SYNE1: variants seen among roughly 807,000 people sequenced by gnomAD.
SYNE1 encodes spectrin repeat containing nuclear envelope protein 1, also known as nesprin-1.
Under a neutral mutation model 1,111.0 loss-of-function variants are expected in SYNE1, and 616 were observed. That is an observed-to-expected ratio of 0.55 (90% CI 0.52 to 0.59). The LOEUF (loss-of-function observed/expected upper bound fraction) is 0.59. SYNE1 is among the 20% of genes least tolerant of loss of function. The pLI, the probability that SYNE1 is intolerant of heterozygous loss-of-function variation, is 0.00. For missense variants in SYNE1, 10,006 were observed against 10,417.0 expected (o/e 0.96, Z 1.72); for synonymous variants, 3,855 against 3,825.8 (o/e 1.01, Z -0.28).
In SYNE1 at chr6:152,224,666, T is replaced by G; in HGVS notation, c.21352-2A>C. 2 of 1,613,684 alleles carry G rather than the reference T, an allele frequency of 1.2e-6. No individual in the cohort carries two copies. The highest frequency in any genetic ancestry group is 1.7e-6 in the Non-Finnish European group (2 of 1,179,798). On this transcript the variant is annotated splice_acceptor_variant, in intron 116 of 145. Transcript: ENST00000367255. LOFTEE classifies it high-confidence loss of function. ...CAGCAGTATCTTTAATTGTCCAACC[T>G]TTTGAAAAAGACAAATATGGCTTAT... is the stretch of plus-strand genomic sequence containing the variant.
Position 152,450,624 on chromosome 6 carries a change from C to T in SYNE1, c.3395+1G>A, listed in dbSNP as rs1217174874. The T allele has an allele frequency of 6.2e-7, 1 of 1,613,852 alleles. No homozygotes were observed. The highest frequency in any genetic ancestry group is 1.3e-5 in the African/African-American group (1 of 74,914). ...CTCTCTGGAGGCCATTCTGAGGCTA[C>T]CTGCTAGTGTAGTCCTTCCACTTGT... On this transcript the variant is annotated splice_donor_variant, in intron 27 of 145. Coordinates refer to ENST00000367255, the MANE Select transcript of SYNE1 (RefSeq NM_182961.4). LOFTEE classifies it high-confidence loss of function.
chr6:152,308,248 GT>G (rs2095439295), intron 91 of SYNE1, among the ~76,000 whole-genome samples: 1 of 152,268 alleles, frequency 6.6e-6, no homozygotes, highest in East Asian at 1.9e-4. Context: ...TAATCAGTGG[GT>G]CCCAAAGGAT....
In SYNE1 at chr6:152,281,793, G is replaced by A; in HGVS notation, c.18381+14C>T. 7.4e-6 allele frequency: 12 copies of A among 1,613,978 alleles called. No homozygotes were observed. Among genetic ancestry groups the A allele is most frequent in the Non-Finnish European group, 8.5e-6 (10 of 1,179,952 alleles). On this transcript the variant is annotated intron_variant, in intron 97 of 145. Transcript: ENST00000367255. ...TCATGATGTTGACATATTCCTTTGAGACCATTTTGGTACCTGGCAGTCCAT... is the reference window on the plus strand; with the variant it reads ...TCATGATGTTGACATATTCCTTTGAAACCATTTTGGTACCTGGCAGTCCAT...
chr6:152,215,242 C>G (rs2078350577), intron 121 of SYNE1, among the ~76,000 whole-genome samples, 182 bp from the exon 122 acceptor site: 1 of 152,200 alleles, frequency 6.6e-6, no homozygotes, highest in African/African-American at 2.4e-5. Flanking sequence ...ATCTACTTTT[C>G]AGTCTAAACT....
Position 152,268,146 on chromosome 6 carries a change from G to A in SYNE1, c.18725C>T (p.Ala6242Val). The part of the protein sequence containing the change: ...QQQKELEQEL[A>V]EQKSLLRSVA... ...TGAGCGAAGGAGACTCTTCTGCTCG[G>A]CTAATTCCTGTTCTAACTCCTGCTC... The change falls in exon 100 of 146, where the codon GCC (alanine) becomes GTC (valine). Residue 6242 changes from alanine to valine, a missense_variant. Physicochemically the swap from Ala to Val is moderately conservative, Grantham distance 64. This residue lies in a region of SYNE1 where 2,182 missense variants were observed against 2,287.8 expected (regional missense o/e 0.95). Coordinates refer to ENST00000367255, the MANE Select transcript of SYNE1 (RefSeq NM_182961.4). 6.2e-7 allele frequency: 1 copy of A among 1,614,064 alleles called. No individual in the cohort carries two copies. The highest frequency in any genetic ancestry group is 8.5e-7 in the Non-Finnish European group (1 of 1,179,956).
intron 76 of SYNE1, chr6:152,336,562 G>A: frequency 2.1e-6 from 1 of 481,222 alleles, no homozygotes; most frequent in Non-Finnish European, 3.8e-6. Context: ...AGTAGGGTTT[G>A]CACTCCTATG....
chr6:152,251,705 G>A (rs897718007), intron 104 of SYNE1, among the ~76,000 whole-genome samples: 5 of 151,832 alleles, frequency 3.3e-5, no homozygotes, highest in African/African-American at 4.8e-5. Flanking sequence ...CTTGCAGTGA[G>A]CCGAGATCCC....
intron 3 of SYNE1, among the ~76,000 whole-genome samples, chr6:152,626,079 T>C (rs1240663189): frequency 6.6e-6 from 1 of 152,164 alleles, no homozygotes; most frequent in African/African-American, 2.4e-5. Context: ...CAAGCAAAAC[T>C]AAATCTACTA....
intron 124 of SYNE1, among the ~76,000 whole-genome samples, chr6:152,208,835 G>A (rs1190263962): frequency 6.6e-6 from 1 of 152,148 alleles, no homozygotes; most frequent in Non-Finnish European, 1.5e-5. Flanking sequence ...TTCTTAGAAA[G>A]ATGAAAACTT....
intron 145 of SYNE1, among the ~76,000 whole-genome samples, chr6:152,123,743 T>C (rs1035880897): frequency 1.3e-5 from 2 of 152,232 alleles, no homozygotes; most frequent in Non-Finnish European, 2.9e-5. Context: ...ACAACTAGTA[T>C]AAATTCCTTA....
Position 152,233,872 on chromosome 6 carries a change from G to T in SYNE1, c.20621C>A (p.Thr6874Lys), listed in dbSNP as rs1349014534. Reference sequence around the variant, plus strand: ...CGACAGCTCAGAGCGCAGCGTGGCTGTGTCCACCTTTTTTAGTCGAAGGAG... The same window carrying T: ...CGACAGCTCAGAGCGCAGCGTGGCTTTGTCCACCTTTTTTAGTCGAAGGAG... ...NQLLRLKKVD[T>K]ATLRSELSRI... The change falls in exon 112 of 146, where the codon ACA (threonine) becomes AAA (lysine). Residue 6874 changes from threonine to lysine, a missense_variant. Coordinates refer to ENST00000367255, the MANE Select transcript of SYNE1 (RefSeq NM_182961.4). The T allele has an allele frequency of 1.9e-6, 3 of 1,614,226 alleles. No homozygotes were observed. The South Asian group carries it at 3.3e-5, about 18-fold the overall frequency.
chr6:152,333,643 A>AT (rs2096303139), intron 77 of SYNE1, among the ~76,000 whole-genome samples: 1 of 151,954 alleles, frequency 6.6e-6, no homozygotes, highest in Non-Finnish European at 1.5e-5. Flanking sequence ...ATTTTATTTT[A>AT]TTTTTTTGAG....
In SYNE1 at chr6:152,167,508, A is replaced by G. The variant is rs187406330; in HGVS notation, c.23628-3183T>C. Among the ~76,000 whole-genome samples, 283 of 152,342 alleles carry G rather than the reference A, an allele frequency of 1.9e-3. 1 individual carries two copies. Among genetic ancestry groups the G allele is most frequent in the Admixed American group, 4.3e-3 (66 of 15,300 alleles). ...TTTATTCTAACTGAAAAAAATCATG[A>G]ACTAAACATTTGCATAATGCACTAA... On this transcript the variant is annotated intron_variant, in intron 130 of 145. Transcript: ENST00000367255.
chr6:152,286,510 T>C (rs1347774833), intron 95 of SYNE1, among the ~76,000 whole-genome samples: 1 of 152,224 alleles, frequency 6.6e-6, no homozygotes, highest in Admixed American at 6.5e-5. Context: ...TTGTGAATTG[T>C]TTTCACTTTA....
Position 152,538,617 on chromosome 6 carries a change from CTT to C in SYNE1, c.129+1341_129+1342del, listed in dbSNP as rs537483112. ...TGTACACTATGAAAAAATAATAACT[CTT>C]TTCATTTTGAAAAAAAAAAACAAAA... is the stretch of plus-strand genomic sequence containing the variant. On this transcript the variant is annotated intron_variant, in intron 4 of 145. Coordinates refer to ENST00000367255, the MANE Select transcript of SYNE1 (RefSeq NM_182961.4). 1.9e-3 allele frequency among the ~76,000 whole-genome samples: 285 copies of C among 149,294 alleles called. 2 individuals carry two copies. The highest frequency in any genetic ancestry group is 1.2e-3 in the Non-Finnish European group (81 of 67,578).
chr6:152,404,361 A>G (rs2097863464), intron 45 of SYNE1, 47 bp from the exon 46 acceptor site: 1 of 1,375,942 alleles, frequency 7.3e-7, no homozygotes, highest in African/African-American at 1.4e-5. Context: ...CTGACATGCT[A>G]TATTTGGCAT....
At chr6:152,375,976 G>A (rs1354398420) in intron 58 of SYNE1, 4 of 177,472 alleles carry the variant, frequency 2.3e-5, no homozygotes, top group African/African-American at 4.8e-5. Context: ...CTAGAGAAGC[G>A]GTCCCCAACC....
rs1006793875 is a variant in SYNE1, at chr6:152,256,529, A to C, written c.19104+105T>G. ...GCGCTTATCACTAGTGTTGGGTCTCATGCTCAGGGGTGGATGCAACAGTCT... is the reference window on the plus strand; with the variant it reads ...GCGCTTATCACTAGTGTTGGGTCTCCTGCTCAGGGGTGGATGCAACAGTCT... On this transcript the variant is annotated intron_variant, in intron 102 of 145. Coordinates refer to ENST00000367255, the MANE Select transcript of SYNE1 (RefSeq NM_182961.4). The C allele has an allele frequency of 8.7e-6, 13 of 1,488,224 alleles. No individual in the cohort carries two copies. The African/African-American group carries it at 1.8e-4, about 21-fold the overall frequency. The allele number at this position is 1,488,224 out of a possible 1,614,324, so 92.2% of individuals were successfully genotyped here. A position where few individuals can be genotyped will look rare whatever the true frequency, so the allele number is the denominator to read the frequency against.
intron 128 of SYNE1, among the ~76,000 whole-genome samples, chr6:152,184,392 G>A (rs1334130557): frequency 1.4e-5 from 2 of 146,220 alleles, no homozygotes; most frequent in Non-Finnish European, 3.0e-5. Flanking sequence ...AGCCAAGATC[G>A]CACCACTGCA....
Sources: gnomAD v4.1 joint callset for allele counts (sites outside exome capture counted in the v4.1 genomes callset) on GRCh38, gnomAD v4.1.1 for gene constraint, gnomAD v4.1.1 regional missense constraint, MANE v1.5 for transcripts, NCBI Gene and HGNC (gene_info 2026-07-23, HGNC 2026-07-21) for gene names.